The following EPHA6 variants were observed in gnomAD, a reference collection of about 807,000 sequenced individuals.
EPHA6 encodes the protein ephrin type-A receptor 6.
EPHA6 carries 50 observed loss-of-function variants against 112.0 expected under a neutral mutation model. The observed-to-expected ratio is 0.45, with a 90% CI of 0.36 to 0.56. EPHA6 has a LOEUF of 0.56. Ranked by LOEUF, EPHA6 falls within the 20% of genes least tolerant of loss-of-function variation. EPHA6 has a pLI of 0.00. For synonymous variants in EPHA6, 529 were observed against 490.7 expected (o/e 1.08, Z -1.03); for missense variants, 1,280 against 1,417.4 (o/e 0.90, Z 1.56).
intron 11 of EPHA6, among the ~76,000 whole-genome samples, chr3:97,540,229 T>G (rs186312928): frequency 4.6e-5 from 7 of 152,352 alleles, no homozygotes; most frequent in Non-Finnish European, 2.9e-5. Context: ...ATTATTCTTG[T>G]GCAATTTCTA....
chr3:96,819,472 C>T (rs769215773), intron 1 of EPHA6, among the ~76,000 whole-genome samples: 5 of 152,032 alleles, frequency 3.3e-5, no homozygotes, highest in African/African-American at 4.8e-5. Flanking sequence ...TACACAAATG[C>T]TTCTGACTGC....
intron 1 of EPHA6, among the ~76,000 whole-genome samples, chr3:96,818,759 T>A (rs561534283): frequency 4.6e-5 from 7 of 152,036 alleles, no homozygotes; most frequent in East Asian, 1.9e-4. Flanking sequence ...ATATTAAAAA[T>A]TTTGTTAAAT....
At chr3:97,676,087 G>A (rs1461823551) in intron 14 of EPHA6, among the ~76,000 whole-genome samples, 1 of 151,866 alleles carries the variant, frequency 6.6e-6, no homozygotes, top group Non-Finnish European at 1.5e-5. Flanking sequence ...AAAATATTGA[G>A]CAGAAAGGCT....
chr3:97,646,777 T>G (rs544150419), intron 14 of EPHA6, among the ~76,000 whole-genome samples: 2 of 152,210 alleles, frequency 1.3e-5, no homozygotes, highest in Admixed American at 6.5e-5. Flanking sequence ...TCACAAGTTA[T>G]GTGAAATGGG....
chr3:96,988,613 A>T (rs2043105626), intron 3 of EPHA6, among the ~76,000 whole-genome samples: 1 of 152,168 alleles, frequency 6.6e-6, no homozygotes, highest in African/African-American at 2.4e-5. Context: ...AAAATGTATA[A>T]GCTAGTTTAT....
intron 10 of EPHA6, among the ~76,000 whole-genome samples, chr3:97,491,076 TCA>T (rs2091826451): frequency 6.6e-6 from 1 of 152,216 alleles, no homozygotes; most frequent in Admixed American, 6.5e-5. Flanking sequence ...AAGACAGAAG[TCA>T]CAGTGTTTTA....
chr3:97,664,140 G>A (rs191991445), intron 14 of EPHA6, among the ~76,000 whole-genome samples: 2,548 of 152,274 alleles, frequency 0.017, 29 homozygotes, highest in Non-Finnish European at 0.023. Context: ...CTTCTTTTGA[G>A]AAGTGTCTGT....
At chr3:97,039,303 A>T (rs751286506) in intron 3 of EPHA6, among the ~76,000 whole-genome samples, 71 of 152,012 alleles carry the variant, frequency 4.7e-4, no homozygotes, top group Middle Eastern at 3.2e-3. Flanking sequence ...AAAACAGTTT[A>T]AACATGTTCA....
rs1329680319 is a variant in EPHA6, at chr3:97,448,697, A to G, written c.1861A>G (p.Ser621Gly). Residue 621 changes from serine to glycine, a missense_variant, in exon 7 of 18, where the codon AGT becomes GGT. By Grantham distance (56) the Ser-to-Gly change is moderately conservative. Transcript: ENST00000389672. ...AACTGCGACAGGATACAGTGGCTAC[A>G]GTCAGAAATTTGAATTTGAAACAGG... is the stretch of plus-strand genomic sequence containing the variant. ...VRTATGYSGY[S>G]QKFEFETGDE... The G allele has an allele frequency of 1.2e-6, 2 of 1,613,546 alleles. No individual in the cohort carries two copies. Among genetic ancestry groups the G allele is most frequent in the Non-Finnish European group, 1.7e-6 (2 of 1,179,544 alleles).
intron 2 of EPHA6, among the ~76,000 whole-genome samples, chr3:96,909,950 G>A (rs1576004677): frequency 6.6e-6 from 1 of 151,840 alleles, no homozygotes; most frequent in Admixed American, 6.6e-5. Flanking sequence ...CTAAGCTTCC[G>A]CCTTTCTGTT....
At chr3:97,007,707 T>G (rs1162321058) in intron 3 of EPHA6, among the ~76,000 whole-genome samples, 1 of 152,198 alleles carries the variant, frequency 6.6e-6, no homozygotes, top group East Asian at 1.9e-4. Context: ...TCTTTGGTCT[T>G]TATATTTTGG....
chr3:97,585,268 TA>T (rs933123583), intron 11 of EPHA6, among the ~76,000 whole-genome samples: 2 of 152,232 alleles, frequency 1.3e-5, no homozygotes, highest in African/African-American at 4.8e-5. Flanking sequence ...TATTTGCTTT[TA>T]AAAAGTCGAA....
intron 11 of EPHA6, among the ~76,000 whole-genome samples, chr3:97,558,588 A>G (rs1380724683): frequency 6.6e-6 from 1 of 151,898 alleles, no homozygotes; most frequent in African/African-American, 2.4e-5. Flanking sequence ...GTCTCTATGC[A>G]TGCATACACA....
At chr3:97,621,834 G>A (rs1191296118) in intron 13 of EPHA6, among the ~76,000 whole-genome samples, 4 of 151,888 alleles carry the variant, frequency 2.6e-5, no homozygotes, top group Non-Finnish European at 5.9e-5. Context: ...GGGACTCAGT[G>A]TTCTCAACAA....
At chr3:97,341,640 C>A (rs1395235316) in intron 5 of EPHA6, among the ~76,000 whole-genome samples, 1 of 151,908 alleles carries the variant, frequency 6.6e-6, no homozygotes, top group Admixed American at 6.6e-5. Context: ...CCTTCACTGC[C>A]AATTTTAATA....
At chr3:97,673,409 T>G (rs1442457800) in intron 14 of EPHA6, among the ~76,000 whole-genome samples, 1 of 152,170 alleles carries the variant, frequency 6.6e-6, no homozygotes, top group Non-Finnish European at 1.5e-5. Flanking sequence ...TTGCTTTGAG[T>G]GGATATATCC....
chr3:97,004,075 T>C lies in EPHA6; in HGVS notation c.1114+16082T>C, dbSNP rs546617311. Among the ~76,000 whole-genome samples, 21 of 152,286 alleles carry C rather than the reference T, an allele frequency of 1.4e-4. 2 individuals are homozygous for C. Among genetic ancestry groups the C allele is most frequent in the Admixed American group, 1.4e-3 (21 of 15,292 alleles). On this transcript the variant is annotated intron_variant, in intron 3 of 17. Transcript: ENST00000389672. Reference sequence around the variant, plus strand: ...GGCATTTGGTTTGGTTCCATGTCTTTGCTATTGTAAATAGTGCTGCAATAA... The same window carrying C: ...GGCATTTGGTTTGGTTCCATGTCTTCGCTATTGTAAATAGTGCTGCAATAA...
intron 5 of EPHA6, among the ~76,000 whole-genome samples, chr3:97,251,084 T>C (rs1382526838): frequency 6.6e-6 from 1 of 151,932 alleles, no homozygotes; most frequent in Non-Finnish European, 1.5e-5. Context: ...GCCAGGCTGA[T>C]CTTGAACTCC....
At chr3:97,159,920 A>G (rs763040566) in intron 3 of EPHA6, among the ~76,000 whole-genome samples, 4 of 152,146 alleles carry the variant, frequency 2.6e-5, no homozygotes, top group East Asian at 1.9e-4. Flanking sequence ...TTCCTCTTCT[A>G]TGATAGAAGT....
Sources: allele counts gnomAD v4.1 joint callset (sites outside exome capture counted in the v4.1 genomes callset), GRCh38; gene constraint gnomAD v4.1.1; transcripts MANE v1.5; gene names NCBI Gene and HGNC (gene_info 2026-07-23, HGNC 2026-07-21).